The following TANGO2 variants were observed in gnomAD, a reference collection of about 807,000 sequenced individuals.
TANGO2 encodes the protein transport and golgi organization 2 homolog.
A neutral mutation model predicts 39.1 loss-of-function variants in TANGO2; 26 were observed. The observed-to-expected ratio is 0.67, with a 90% CI of 0.49 to 0.92. TANGO2 has a LOEUF of 0.92. TANGO2 is among the 40% of genes least tolerant of loss of function. The pLI is 0.00. For missense variants in TANGO2, 326 were observed against 360.1 expected (o/e 0.91, Z 0.77); for synonymous variants, 131 against 144.5 (o/e 0.91, Z 0.67).
intron 1 of TANGO2, among the ~76,000 whole-genome samples, chr22:20,024,185 TC>T (rs2040285033): frequency 6.6e-6 from 1 of 152,058 alleles, no homozygotes; most frequent in African/African-American, 2.4e-5. Context: ...ACCATTGCAC[TC>T]CAGCCTGGGC....
chr22:20,052,217 T>C (rs926942590), intron 3 of TANGO2, among the ~76,000 whole-genome samples: 1 of 152,190 alleles, frequency 6.6e-6, no homozygotes, highest in African/African-American at 2.4e-5. Flanking sequence ...ATAGGTGTGG[T>C]TGGTGTCATA....
intron 1 of TANGO2, among the ~76,000 whole-genome samples, chr22:20,031,962 C>T (rs996651885): frequency 1.3e-5 from 2 of 152,246 alleles, no homozygotes; most frequent in Non-Finnish European, 2.9e-5. Flanking sequence ...ACTGCTTCTT[C>T]ACCTCTAGCC....
intron 3 of TANGO2, 45 bp downstream of exon 3, chr22:20,043,488 C>A (rs2044389150): frequency 1.4e-6 from 2 of 1,409,710 alleles, no homozygotes; most frequent in Non-Finnish European, 2.0e-6. Context: ...CTTGTTGCTT[C>A]CCTAGCCCCT....
chr22:20,053,453 C>T lies in TANGO2; in HGVS notation c.282C>T (p.His94=), dbSNP rs1465237406. ...TGCCTACAGGTGAACTTGTCACCCA[C>T]TTTCTGACCACTGACGTGGACAGCT... is the stretch of plus-strand genomic sequence containing the variant. ...QARGRGELVT[H]FLTTDVDSLS... is the part of the protein sequence containing the mutation. The change falls in exon 5 of 9, where the codon CAC becomes CAT. Residue 94 remains histidine (H), a synonymous_variant. Transcript: ENST00000327374. The T allele has an allele frequency of 5.6e-6, 9 of 1,613,176 alleles. No homozygotes were observed. The highest frequency in any genetic ancestry group is 1.1e-5 in the South Asian group (1 of 91,084).
intron 6 of TANGO2, chr22:20,056,986 G>A (rs757790283): frequency 2.3e-4 from 105 of 455,422 alleles, no homozygotes; most frequent in Non-Finnish European, 5.3e-5. Flanking sequence ...TCTGTGAGGG[G>A]GCTCCCTCAC....
intron 2 of TANGO2, among the ~76,000 whole-genome samples, chr22:20,040,019 T>A (rs1398048207): frequency 6.6e-6 from 1 of 152,156 alleles, no homozygotes; most frequent in Non-Finnish European, 1.5e-5. Context: ...GGTGGGTGCA[T>A]CCCTGTCTCT....
intron 1 of TANGO2, among the ~76,000 whole-genome samples, chr22:20,022,806 A>G (rs2039971456): frequency 6.6e-6 from 1 of 152,228 alleles, no homozygotes; most frequent in African/African-American, 2.4e-5. Flanking sequence ...AGGGGTCTGG[A>G]GAGAAATGGC....
Position 20,061,015 on chromosome 22 carries a change from G to A in TANGO2, c.452-515G>A, listed in dbSNP as rs576115363. ...AGCCCCCCGGCTCTCCTAACCTGGG[G>A]CCTGGCTGGTACGCAGAGGTGGGCC... On this transcript the variant is annotated intron_variant, in intron 6 of 8. Transcript: ENST00000327374. Among the ~76,000 whole-genome samples the A allele has an allele frequency of 1.1e-4, 17 of 152,300 alleles. No homozygotes were observed. The South Asian group carries it at 3.5e-3, about 32-fold the overall frequency.
intron 6 of TANGO2, chr22:20,056,513 T>C (rs2047383083): frequency 4.4e-6 from 2 of 457,112 alleles, no homozygotes; most frequent in Non-Finnish European, 8.8e-6. Context: ...CAGGTCACAC[T>C]CCACGGCTGG....
chr22:20,059,461 T>G (rs1035171541), intron 6 of TANGO2, among the ~76,000 whole-genome samples: 1 of 152,234 alleles, frequency 6.6e-6, no homozygotes, highest in East Asian at 1.9e-4. Flanking sequence ...ACATCCAAAC[T>G]GTTTGCCAAA....
chr22:20,030,908 T>A (rs2041725395), intron 1 of TANGO2, among the ~76,000 whole-genome samples: 1 of 151,954 alleles, frequency 6.6e-6, no homozygotes, highest in African/African-American at 2.4e-5. Context: ...CAAAAAAATT[T>A]AAAAATTAGG....
intron 1 of TANGO2, among the ~76,000 whole-genome samples, chr22:20,023,026 G>C (rs1248864744): frequency 6.6e-6 from 1 of 152,218 alleles, no homozygotes; most frequent in Non-Finnish European, 1.5e-5. Flanking sequence ...TGGGCTCCGT[G>C]AAAACAAGGT....
At chr22:20,023,450 G>A (rs188385385) in intron 1 of TANGO2, among the ~76,000 whole-genome samples, 1 of 152,348 alleles carries the variant, frequency 6.6e-6, no homozygotes, top group Non-Finnish European at 1.5e-5. Flanking sequence ...GATGCCTCTT[G>A]TTTGTGCTAT....
chr22:20,064,012 C>T (rs769341494), intron 8 of TANGO2, among the ~76,000 whole-genome samples: 19 of 152,224 alleles, frequency 1.2e-4, no homozygotes, highest in Non-Finnish European at 2.4e-4. Context: ...GGCCACCCTC[C>T]GTCTGCAAAG....
chr22:20,053,402 C>A, intron 4 of TANGO2, 35 bp from the exon 5 acceptor site: 1 of 1,435,216 alleles, frequency 7.0e-7, no homozygotes. Flanking sequence ...CACATGCCTG[C>A]AGCTGTGGAC....
At chr22:20,033,115 G>T in intron 1 of TANGO2, 1 of 473,286 alleles carries the variant, frequency 2.1e-6, no homozygotes, top group Non-Finnish European at 4.2e-6. Context: ...TTGGGGGCCG[G>T]TGGGCAGTGG....
At chr22:20,042,914 G>A (rs1043436001) in intron 2 of TANGO2, among the ~76,000 whole-genome samples, 9 of 152,154 alleles carry the variant, frequency 5.9e-5, no homozygotes, top group Non-Finnish European at 1.2e-4. Context: ...AGGCCCACAT[G>A]CTGTGCCATT....
intron 1 of TANGO2, among the ~76,000 whole-genome samples, chr22:20,028,827 A>T (rs957285421): frequency 6.6e-6 from 1 of 152,224 alleles, no homozygotes; most frequent in Non-Finnish European, 1.5e-5. Flanking sequence ...AGGCCCTGTC[A>T]GCATGGCCCT....
chr22:20,050,804 A>G (rs950289763), intron 3 of TANGO2, among the ~76,000 whole-genome samples: 3 of 144,952 alleles, frequency 2.1e-5, no homozygotes, highest in Non-Finnish European at 4.5e-5. Context: ...GGTTTTCTTC[A>G]TATATGATCC....
Sources: allele counts gnomAD v4.1 joint callset (sites outside exome capture counted in the v4.1 genomes callset), GRCh38; gene constraint gnomAD v4.1.1; transcripts MANE v1.5; gene names NCBI Gene and HGNC (gene_info 2026-07-23, HGNC 2026-07-21).